Variants in FREM3 observed in about 807,000 individuals in gnomAD.
The protein encoded by FREM3 is FRAS1-related extracellular matrix protein 3.
FREM3 carries 105 observed loss-of-function variants against 129.1 expected under a neutral mutation model. The ratio of observed to expected loss-of-function variants is 0.81; its 90% confidence interval spans 0.69 to 0.96. The LOEUF is 0.96. FREM3 is among the 40% of genes least tolerant of loss of function. The pLI is 0.00. For missense variants in FREM3, 2,593 were observed against 2,666.3 expected, an observed-to-expected ratio of 0.97 and a Z score of 0.61; for synonymous variants, 1,014 against 1,044.9, an observed-to-expected ratio of 0.97 and a Z score of 0.57.
At chr4:143,636,297 G>A (rs1036995173) in intron 2 of FREM3, among the ~76,000 whole-genome samples, 1 of 140,412 alleles carries the variant, frequency 7.1e-6, no homozygotes, top group African/African-American at 2.7e-5. Flanking sequence ...TGCCCATTAC[G>A]AGGTAAATAT....
At chr4:143,661,764 A>T (rs1200664439) in intron 2 of FREM3, among the ~76,000 whole-genome samples, 9 of 152,124 alleles carry the variant, frequency 5.9e-5, no homozygotes, top group African/African-American at 2.2e-4. Flanking sequence ...CCACAATTTC[A>T]GCTCCTGTTA....
chr4:143,700,587 T>C lies in FREM3; in HGVS notation c.89A>G (p.Gln30Arg), dbSNP rs1415092769. ...GGTCCCAAGTGAGGATGCCCGTCCCTGCAGCGCGGGGCGACTCAAGAGCAG... is the reference window on the plus strand; with the variant it reads ...GGTCCCAAGTGAGGATGCCCGTCCCCGCAGCGCGGGGCGACTCAAGAGCAG... ...ACLLLSRPAL[Q>R]GRASSLGTEP... The change falls in exon 1 of 8, where the codon CAG (glutamine) becomes CGG (arginine). Residue 30 changes from glutamine to arginine, a missense_variant. By Grantham distance (43) the Gln-to-Arg change is conservative (BLOSUM62 1). This residue lies in a region of FREM3 where 2,276 missense variants were observed against 2,267.2 expected (regional missense o/e 1.00). Coordinates refer to ENST00000329798, the MANE Select transcript of FREM3 (RefSeq NM_001168235.2). The C allele has an allele frequency of 4.0e-6, 6 of 1,483,774 alleles. No homozygotes were observed. The Admixed American group carries it at 1.1e-4, about 27-fold the overall frequency. The allele number at this position is 1,483,774 out of a possible 1,614,324, so 91.9% of individuals were successfully genotyped here. A position where few individuals can be genotyped will look rare whatever the true frequency, so the allele number is the denominator to read the frequency against.
In FREM3 at chr4:143,577,450, A is replaced by G; in HGVS notation, c.*161T>C. 1.6e-6 allele frequency: 1 copy of G among 636,236 alleles called. No individual in the cohort carries two copies. The highest frequency in any genetic ancestry group is 2.7e-6 in the Non-Finnish European group (1 of 375,940). 39.4% of individuals were successfully genotyped at this position (636,236 alleles called of 1,614,324 possible). A position where few individuals can be genotyped will look rare whatever the true frequency, so the allele number is the denominator to read the frequency against. ...TCTAGGTATATATATTTCTATCTCC[A>G]TGCAGTCATATAAATTACATTTCCA... On this transcript the variant is annotated 3_prime_UTR_variant, in exon 8 of 8. Coordinates refer to ENST00000329798, the MANE Select transcript of FREM3 (RefSeq NM_001168235.2).
At chr4:143,681,028 C>T (rs922339982) in intron 2 of FREM3, among the ~76,000 whole-genome samples, 1 of 152,068 alleles carries the variant, frequency 6.6e-6, no homozygotes, top group Non-Finnish European at 1.5e-5. Context: ...ATCACATGAA[C>T]TTTAAACACC....
intron 6 of FREM3, among the ~76,000 whole-genome samples, chr4:143,609,431 T>C (rs570844657): frequency 2.6e-5 from 4 of 152,266 alleles, no homozygotes; most frequent in South Asian, 4.1e-4. Context: ...AAAGTAAGCA[T>C]TGATTATAAA....
chr4:143,581,976 C>A (rs1738155676), intron 7 of FREM3, among the ~76,000 whole-genome samples: 1 of 152,130 alleles, frequency 6.6e-6, no homozygotes. Flanking sequence ...GCCAGTCTGT[C>A]CTCCCTGTGA....
chr4:143,594,884 C>G (rs557967350), intron 6 of FREM3, among the ~76,000 whole-genome samples: 5 of 152,150 alleles, frequency 3.3e-5, no homozygotes, highest in Non-Finnish European at 5.9e-5. Flanking sequence ...GTCTGAGAAA[C>G]TGAGATGCTA....
chr4:143,677,808 A>G (rs1469940248), intron 2 of FREM3, among the ~76,000 whole-genome samples: 8 of 152,246 alleles, frequency 5.3e-5, no homozygotes, highest in Non-Finnish European at 1.2e-4. Context: ...ATCACTGGCC[A>G]TCAGAGAAAT....
At position 143,696,741 on chromosome 4, in the gene FREM3, T is replaced by A; in HGVS notation, c.3935A>T (p.Asn1312Ile). 1 of 1,537,926 alleles carries A rather than the reference T, an allele frequency of 6.5e-7. No individual in the cohort carries two copies. The change falls in exon 1 of 8, where the codon AAC becomes ATC. Residue 1312 changes from asparagine (N) to isoleucine (I), a missense_variant. This residue lies in a region of FREM3 where 2,276 missense variants were observed against 2,267.2 expected (regional missense o/e 1.00). Transcript: ENST00000329798. ...VDDETPHLTVNNGLKVEKGHS... is the reference protein window; with the variant it reads ...VDDETPHLTVINGLKVEKGHS... ...TCCTTTCTCTACCTTCAGCCCATTG[T>A]TGACAGTCAGGTGAGGAGTTTCATC...
intron 6 of FREM3, among the ~76,000 whole-genome samples, chr4:143,609,024 T>C (rs1578832850): frequency 1.3e-5 from 2 of 152,156 alleles, no homozygotes; most frequent in East Asian, 3.9e-4. Context: ...TTTCTTAGAA[T>C]GACTTAAGAA....
chr4:143,697,040 G>A lies in FREM3; in HGVS notation c.3636C>T (p.Asp1212=), dbSNP rs1473294954. 15 of 1,537,400 alleles carry A rather than the reference G, an allele frequency of 9.8e-6. No homozygotes were observed. The East Asian group carries it at 2.2e-4, about 23-fold the overall frequency. The change falls in exon 1 of 8, where the codon GAC becomes GAT. Residue 1212 remains aspartate, a synonymous_variant. Coordinates refer to ENST00000329798, the MANE Select transcript of FREM3 (RefSeq NM_001168235.2). The part of the protein sequence containing the change: ...KVLEGMSLVI[D]TQLLNGADAD... ...CATCTGCTCCATTAAGCAGCTGGGT[G>A]TCTATGACCAGGCTCATCCCCTCTA...
chr4:143,590,838 G>A (rs899061197), intron 6 of FREM3, among the ~76,000 whole-genome samples: 1 of 152,122 alleles, frequency 6.6e-6, no homozygotes, highest in Non-Finnish European at 1.5e-5. Flanking sequence ...TGTACCTCTG[G>A]TAGAATTCGG....
chr4:143,622,465 T>C (rs1738968688), intron 4 of FREM3, among the ~76,000 whole-genome samples: 1 of 151,576 alleles, frequency 6.6e-6, no homozygotes, highest in Admixed American at 6.6e-5. Context: ...GAATTCAATG[T>C]TAAATTATCT....
chr4:143,625,997 G>A (rs572229486), intron 3 of FREM3, among the ~76,000 whole-genome samples: 5 of 152,328 alleles, frequency 3.3e-5, no homozygotes, highest in Non-Finnish European at 7.4e-5. Flanking sequence ...AAAAGAGTAA[G>A]TGACAGAGCA....
intron 5 of FREM3, among the ~76,000 whole-genome samples, chr4:143,620,038 T>C (rs1303606265): frequency 6.6e-6 from 1 of 152,186 alleles, no homozygotes; most frequent in Non-Finnish European, 1.5e-5. Context: ...ACCCACAATC[T>C]GCAGCAATTA....
At position 143,696,928 on chromosome 4, in the gene FREM3, GGCTGCCTGTAGCCA is replaced by G. The variant is rs1560876954; in HGVS notation, c.3734_3747del (p.Leu1245ProfsTer20). On this transcript the variant is annotated frameshift_variant, in exon 1 of 8. Transcript: ENST00000329798. LOFTEE classifies it high-confidence loss of function. ...TTGAGGGTGAAGCTGTGGATGGGCT[GGCTGCCTGTAGCCA>G]GCTGCTGTATGATTCGTCCATGCCG... The G allele has an allele frequency of 1.3e-6, 2 of 1,537,520 alleles. No individual in the cohort carries two copies. Among genetic ancestry groups the G allele is most frequent in the Non-Finnish European group, 1.7e-6 (2 of 1,146,996 alleles).
intron 6 of FREM3, among the ~76,000 whole-genome samples, chr4:143,591,218 G>T (rs1009046618): frequency 1.3e-5 from 2 of 152,028 alleles, no homozygotes; most frequent in African/African-American, 4.8e-5. Context: ...TTTTTGAAGG[G>T]TTTTTTGTGT....
At chr4:143,689,547 A>G (rs1740427913) in intron 2 of FREM3, among the ~76,000 whole-genome samples, 1 of 152,126 alleles carries the variant, frequency 6.6e-6, no homozygotes, top group Non-Finnish European at 1.5e-5. Flanking sequence ...ACCCAGAGGA[A>G]AATAAGTCAT....
intron 2 of FREM3, among the ~76,000 whole-genome samples, chr4:143,659,509 CT>C (rs1739664958): frequency 6.6e-6 from 1 of 152,078 alleles, no homozygotes; most frequent in Non-Finnish European, 1.5e-5. Context: ...GGTTCCAAGT[CT>C]TTGCTATTGT....
Sources: allele counts gnomAD v4.1 joint callset (sites outside exome capture counted in the v4.1 genomes callset), GRCh38; gene constraint gnomAD v4.1.1; regional missense constraint gnomAD v4.1.1; transcripts MANE v1.5; gene names NCBI Gene and HGNC (gene_info 2026-07-23, HGNC 2026-07-21).